Variants in IQCM observed in about 807,000 individuals in gnomAD.
IQCM encodes the protein IQ motif containing M.
In IQCM, 45 loss-of-function variants were observed where a neutral mutation model predicts 57.6. That is an observed-to-expected ratio of 0.78 (90% CI 0.62 to 1.00). IQCM has a LOEUF of 1.00. Ranked by LOEUF, IQCM falls within the 50% of genes least tolerant of loss-of-function variation. The pLI, the probability that IQCM is intolerant of heterozygous loss-of-function variation, is 0.00. For synonymous variants in IQCM, 148 were observed against 158.9 expected (o/e 0.93, Z 0.51); for missense variants, 468 against 511.6 (o/e 0.91, Z 0.82).
intron 8 of IQCM, among the ~76,000 whole-genome samples, chr4:149,588,695 A>G (rs1301160443): frequency 5.3e-5 from 8 of 151,922 alleles, no homozygotes; most frequent in Non-Finnish European, 1.2e-4. Flanking sequence ...GGAGAGAAAC[A>G]TCAGGAGAAA....
intron 13 of IQCM, among the ~76,000 whole-genome samples, chr4:149,378,976 C>T (rs1176548861): frequency 6.6e-6 from 1 of 152,164 alleles, no homozygotes; most frequent in Non-Finnish European, 1.5e-5. Flanking sequence ...TCTGCCACTC[C>T]AGCTGTGACT....
rs564776986 is a variant in IQCM, at chr4:149,545,706, A to G, written c.1228+2749T>C. Among the ~76,000 whole-genome samples the G allele has an allele frequency of 2.8e-3, 431 of 152,246 alleles. 4 individuals are homozygous for G. Among genetic ancestry groups the G allele is most frequent in the Non-Finnish European group, 5.0e-3 (340 of 67,996 alleles). ...TACTGGGTATATATCCAAATAAATG[A>G]AATCAGTTTGTTAAAGAGATAGCTG... On this transcript the variant is annotated intron_variant, in intron 12 of 13. Coordinates refer to ENST00000636793, the MANE Select transcript of IQCM (RefSeq NM_001363507.2).
chr4:149,669,191 A>G (rs1761018825), intron 7 of IQCM, among the ~76,000 whole-genome samples: 1 of 152,124 alleles, frequency 6.6e-6, no homozygotes, highest in Non-Finnish European at 1.5e-5. Flanking sequence ...ATGAGATGGT[A>G]TCTCGTTGTG....
intron 7 of IQCM, among the ~76,000 whole-genome samples, chr4:149,643,482 G>A (rs1347581817): frequency 6.6e-6 from 1 of 152,132 alleles, no homozygotes; most frequent in Non-Finnish European, 1.5e-5. Flanking sequence ...CATTTAAGCT[G>A]GACATTAAAG....
chr4:149,632,611 A>C (rs1757364696), intron 7 of IQCM, among the ~76,000 whole-genome samples: 1 of 152,232 alleles, frequency 6.6e-6, no homozygotes, highest in Non-Finnish European at 1.5e-5. Flanking sequence ...TGACAAAAAC[A>C]AAGGGATGAT....
At chr4:149,692,656 C>T (rs1763026645) in intron 5 of IQCM, among the ~76,000 whole-genome samples, 1 of 152,082 alleles carries the variant, frequency 6.6e-6, no homozygotes. Context: ...TAAAGGAGAT[C>T]TCTAAAAAGG....
At chr4:149,739,641 A>C (rs1192004182) in intron 3 of IQCM, among the ~76,000 whole-genome samples, 1 of 152,126 alleles carries the variant, frequency 6.6e-6, no homozygotes, top group East Asian at 1.9e-4. Flanking sequence ...TAAAGTTCCC[A>C]AAAGCAATAG....
At chr4:149,701,014 A>G (rs1050185343) in intron 5 of IQCM, among the ~76,000 whole-genome samples, 3 of 152,138 alleles carry the variant, frequency 2.0e-5, no homozygotes, top group Admixed American at 6.6e-5. Flanking sequence ...TGGAGAATAT[A>G]GGAGACTTAG....
intron 13 of IQCM, among the ~76,000 whole-genome samples, chr4:149,411,321 A>C (rs189530489): frequency 8.5e-5 from 13 of 152,152 alleles, no homozygotes; most frequent in Non-Finnish European, 1.9e-4. Flanking sequence ...ATTGTTTAAC[A>C]GTTCAAAATA....
chr4:149,774,772 A>G (rs944769615), intron 2 of IQCM, among the ~76,000 whole-genome samples: 3 of 144,998 alleles, frequency 2.1e-5, no homozygotes, highest in African/African-American at 7.5e-5. Flanking sequence ...CTTAAAACCA[A>G]AAAAAAAAAA....
chr4:149,591,814 G>T (rs1207629541), intron 8 of IQCM, among the ~76,000 whole-genome samples: 1 of 152,082 alleles, frequency 6.6e-6, no homozygotes, highest in Non-Finnish European at 1.5e-5. Context: ...AGTATTCCAT[G>T]GTGTATATGT....
At chr4:149,663,472 G>A (rs1015320343) in intron 7 of IQCM, among the ~76,000 whole-genome samples, 4 of 152,056 alleles carry the variant, frequency 2.6e-5, no homozygotes, top group East Asian at 1.9e-4. Flanking sequence ...TTTCTTGTAA[G>A]GCTAGGCTAG....
At chr4:149,388,921 C>A (rs1731643299) in intron 13 of IQCM, among the ~76,000 whole-genome samples, 1 of 150,946 alleles carries the variant, frequency 6.6e-6, no homozygotes, top group Admixed American at 6.6e-5. Context: ...TTTTTTCTCC[C>A]AATCCGTGGG....
chr4:149,686,926 G>A (rs1012796723), intron 5 of IQCM, among the ~76,000 whole-genome samples: 2 of 151,478 alleles, frequency 1.3e-5, no homozygotes, highest in Non-Finnish European at 3.0e-5. Flanking sequence ...ATTTGATAGA[G>A]TAAGACTAAA....
At chr4:149,461,859 T>A (rs76057266) in intron 12 of IQCM, among the ~76,000 whole-genome samples, 2,072 of 151,840 alleles carry the variant, frequency 0.014, 26 homozygotes, top group Non-Finnish European at 0.019. Context: ...ATAAATATCC[T>A]GACACTATAT....
At chr4:149,357,498 A>C (rs1286696436) in intron 13 of IQCM, among the ~76,000 whole-genome samples, 1 of 152,124 alleles carries the variant, frequency 6.6e-6, no homozygotes, top group Non-Finnish European at 1.5e-5. Context: ...GTCTATTGAG[A>C]TCATCATGCG....
intron 7 of IQCM, among the ~76,000 whole-genome samples, chr4:149,679,316 C>CA (rs890636338): frequency 2.0e-4 from 29 of 148,644 alleles, no homozygotes; most frequent in African/African-American, 5.7e-4. Context: ...TATGTGAAAG[C>CA]AAAAAAAAAG....
At chr4:149,401,855 T>G (rs1732640320) in intron 13 of IQCM, among the ~76,000 whole-genome samples, 1 of 151,808 alleles carries the variant, frequency 6.6e-6, no homozygotes, top group East Asian at 1.9e-4. Context: ...TGAAGATTCC[T>G]TTTATAAAGG....
intron 2 of IQCM, among the ~76,000 whole-genome samples, chr4:149,745,537 T>C (rs899763609): frequency 6.6e-6 from 1 of 152,208 alleles, no homozygotes; most frequent in Admixed American, 6.5e-5. Flanking sequence ...TTACAGTAGA[T>C]GCAACTTAAG....
Sources: allele counts gnomAD v4.1 joint callset (sites outside exome capture counted in the v4.1 genomes callset), GRCh38; gene constraint gnomAD v4.1.1; transcripts MANE v1.5; gene names NCBI Gene and HGNC (gene_info 2026-07-23, HGNC 2026-07-21).